Variants in ASIC2 observed in about 807,000 individuals in gnomAD.
ASIC2 encodes the protein acid sensing ion channel subunit 2.
Under a neutral mutation model 57.3 loss-of-function variants are expected in ASIC2, and 25 were observed. That is an observed-to-expected ratio of 0.44 (90% CI 0.32 to 0.61). ASIC2 has a LOEUF of 0.61. ASIC2 is among the 20% of genes least tolerant of loss of function. ASIC2 has a pLI of 0.06. For synonymous variants in ASIC2, 319 were observed against 307.5 expected (o/e 1.04, Z -0.39); for missense variants, 641 against 738.1 (o/e 0.87, Z 1.52).
intron 1 of ASIC2, among the ~76,000 whole-genome samples, chr17:33,978,860 T>C (rs920549318): frequency 1.3e-5 from 2 of 152,118 alleles, no homozygotes; most frequent in Non-Finnish European, 2.9e-5. Context: ...GGAGGGCTTC[T>C]AAACATGGGT....
intron 3 of ASIC2, among the ~76,000 whole-genome samples, chr17:33,077,477 G>T (rs755731663): frequency 2.0e-5 from 3 of 152,072 alleles, no homozygotes; most frequent in Admixed American, 6.5e-5. Context: ...AATAACTTAC[G>T]TTATTAGGTA....
intron 1 of ASIC2, among the ~76,000 whole-genome samples, chr17:33,981,816 C>A (rs920971454): frequency 4.6e-5 from 7 of 152,072 alleles, no homozygotes; most frequent in African/African-American, 1.7e-4. Flanking sequence ...TATTTGTATC[C>A]CTATGTTATA....
chr17:33,266,207 A>G (rs910848031), intron 1 of ASIC2, among the ~76,000 whole-genome samples: 6 of 152,214 alleles, frequency 3.9e-5, no homozygotes, highest in African/African-American at 1.4e-4. Flanking sequence ...CCCCTGTTTG[A>G]GTTCTGTATA....
At chr17:34,038,712 T>G in intron 1 of ASIC2, 11 of 1,604,204 alleles carry the variant, frequency 6.9e-6, no homozygotes, top group Middle Eastern at 1.7e-4. Flanking sequence ...AATCTGAGTT[T>G]GAAGATTTCT....
chr17:33,843,125 A>G (rs1384020119), intron 1 of ASIC2, among the ~76,000 whole-genome samples: 1 of 152,148 alleles, frequency 6.6e-6, no homozygotes, highest in Non-Finnish European at 1.5e-5. Context: ...TGCACGTGCC[A>G]TTTGCAATTG....
chr17:33,872,427 T>A (rs766091785), intron 1 of ASIC2, among the ~76,000 whole-genome samples: 4 of 152,190 alleles, frequency 2.6e-5, no homozygotes, highest in Admixed American at 1.3e-4. Context: ...CGTATGTGGT[T>A]TCTGAGGACT....
intron 3 of ASIC2, among the ~76,000 whole-genome samples, chr17:33,055,048 G>A (rs2091992460): frequency 6.6e-6 from 1 of 152,168 alleles, no homozygotes; most frequent in African/African-American, 2.4e-5. Flanking sequence ...CATTTCCCAG[G>A]GTTGACATTG....
chr17:33,829,945 A>G (rs923804109), intron 1 of ASIC2, among the ~76,000 whole-genome samples: 5 of 152,164 alleles, frequency 3.3e-5, no homozygotes, highest in Non-Finnish European at 7.4e-5. Context: ...AAGATATATA[A>G]TAATATAGCA....
chr17:33,464,520 CTT>C (rs71144881), intron 1 of ASIC2, among the ~76,000 whole-genome samples: 3,909 of 39,946 alleles, frequency 0.098, 72 homozygotes, highest in Middle Eastern at 0.16. Context: ...TTCTTTCTTT[CTT>C]TCTTTCTTTC....
intron 1 of ASIC2, among the ~76,000 whole-genome samples, chr17:33,960,142 A>T (rs998930217): frequency 6.6e-6 from 1 of 152,186 alleles, no homozygotes; most frequent in South Asian, 2.1e-4. Context: ...CTCTTAATGT[A>T]ATTATTAGGG....
At chr17:34,068,141 A>G (rs554119830) in intron 1 of ASIC2, among the ~76,000 whole-genome samples, 1 of 152,342 alleles carries the variant, frequency 6.6e-6, no homozygotes, top group South Asian at 2.1e-4. Flanking sequence ...CAAATCGGGT[A>G]GGTGTGGAGG....
intron 1 of ASIC2, among the ~76,000 whole-genome samples, chr17:33,799,423 CTTTCTTCTTTCTTTCTTTCT>C (rs1567719019): frequency 1.5e-3 from 98 of 66,738 alleles, no homozygotes; most frequent in South Asian, 8.0e-3. Flanking sequence ...TTCTTTCTTT[CTTTCTTCTTTCTTTCTTTCT>C]TTCTTTCTTT....
intron 3 of ASIC2, among the ~76,000 whole-genome samples, chr17:33,084,247 A>G (rs2092125516): frequency 6.6e-6 from 1 of 152,226 alleles, no homozygotes; most frequent in African/African-American, 2.4e-5. Context: ...TGAGGCCCAG[A>G]GAGGGCAGTG....
chr17:33,223,100 T>C (rs1673433939), intron 1 of ASIC2, among the ~76,000 whole-genome samples: 1 of 152,238 alleles, frequency 6.6e-6, no homozygotes, highest in Non-Finnish European at 1.5e-5. Context: ...CTATTTTAGA[T>C]GCCAACCTGT....
chr17:33,379,435 C>T (rs2141944724), intron 1 of ASIC2, among the ~76,000 whole-genome samples: 1 of 152,322 alleles, frequency 6.6e-6, no homozygotes, highest in East Asian at 1.9e-4. Context: ...AGCACTTTAT[C>T]CACAACTGGT....
intron 1 of ASIC2, among the ~76,000 whole-genome samples, chr17:33,479,358 T>A (rs952778831): frequency 5.6e-4 from 85 of 152,148 alleles, no homozygotes; most frequent in Admixed American, 7.2e-4. Context: ...GGAAAGAGAT[T>A]TTTTTTTAAG....
At chr17:33,946,713 G>C (rs762707864) in intron 1 of ASIC2, among the ~76,000 whole-genome samples, 5 of 152,196 alleles carry the variant, frequency 3.3e-5, no homozygotes, top group African/African-American at 4.8e-5. Context: ...AAAATGAAGG[G>C]AAGCAACACT....
intron 1 of ASIC2, among the ~76,000 whole-genome samples, chr17:34,015,018 G>T (rs1293260465): frequency 6.6e-6 from 1 of 150,806 alleles, no homozygotes; most frequent in Non-Finnish European, 1.5e-5. Flanking sequence ...CCAAGTAGCT[G>T]GGACTACAGG....
chr17:33,792,424 G>C (rs997313003), intron 1 of ASIC2: 4 of 152,256 alleles, frequency 2.6e-5, no homozygotes, highest in African/African-American at 9.7e-5. Flanking sequence ...GTGGAGGGGG[G>C]AGGTGAGGAG....
Sources: gnomAD v4.1 joint callset for allele counts (sites outside exome capture counted in the v4.1 genomes callset) on GRCh38, gnomAD v4.1.1 for gene constraint, MANE v1.5 for transcripts, NCBI Gene and HGNC (gene_info 2026-07-23, HGNC 2026-07-21) for gene names.